Variants in CYP4F22 observed in about 807,000 individuals in gnomAD.
CYP4F22 encodes cytochrome P450 family 4 subfamily F member 22, also known as ultra-long-chain fatty acid omega-hydroxylase.
A neutral mutation model predicts 60.4 loss-of-function variants in CYP4F22; 37 were observed. The ratio of observed to expected loss-of-function variants is 0.61; its 90% CI spans 0.47 to 0.81. The LOEUF is 0.81. Ranked by LOEUF, CYP4F22 falls within the 30% of genes least tolerant of loss-of-function variation. The pLI is 0.00. For missense variants in CYP4F22, 655 were observed against 715.0 expected (o/e 0.92, Z 0.96); for synonymous variants, 258 against 280.5 (o/e 0.92, Z 0.80).
intron 4 of CYP4F22, among the ~76,000 whole-genome samples, chr19:15,530,782 G>A (rs923345268): frequency 1.3e-5 from 2 of 152,116 alleles, no homozygotes; most frequent in Non-Finnish European, 1.5e-5. Flanking sequence ...GGGGGTAACC[G>A]CCCCCATGAT....
intron 10 of CYP4F22, among the ~76,000 whole-genome samples, chr19:15,547,299 C>T (rs1047350301): frequency 2.0e-5 from 3 of 152,030 alleles, no homozygotes; most frequent in Admixed American, 1.3e-4. Context: ...GCTGGGATTA[C>T]AGGCGAGAGC....
At chr19:15,513,528 C>A (rs936828549) in intron 1 of CYP4F22, among the ~76,000 whole-genome samples, 1 of 151,910 alleles carries the variant, frequency 6.6e-6, no homozygotes, top group African/African-American at 2.4e-5. Flanking sequence ...CCTCGCCCGG[C>A]TAATTTTTTT....
chr19:15,540,374 G>A, intron 7 of CYP4F22, 76 bp from the exon 8 acceptor site: 2 of 1,580,066 alleles, frequency 1.3e-6, no homozygotes, highest in South Asian at 2.2e-5. Flanking sequence ...GGGACAGGAG[G>A]CTTATCTTAG....
chr19:15,540,766 C>G (rs776613630), intron 8 of CYP4F22, 49 bp downstream of exon 8: 1 of 358,834 alleles, frequency 2.8e-6, no homozygotes, highest in Non-Finnish European at 4.0e-6. Context: ...GCTGGCCTCC[C>G]GAGGAATTGC....
chr19:15,532,329 TC>T (rs1971352115), intron 4 of CYP4F22, among the ~76,000 whole-genome samples: 1 of 150,260 alleles, frequency 6.7e-6, no homozygotes, highest in South Asian at 2.1e-4. Context: ...CTCCTCCTTC[TC>T]CTTCTTCTCC....
chr19:15,550,948 C>G (rs1402959913), intron 13 of CYP4F22, among the ~76,000 whole-genome samples, 192 bp downstream of exon 13: 1 of 152,120 alleles, frequency 6.6e-6, no homozygotes, highest in African/African-American at 2.4e-5. Flanking sequence ...GTATTGAGCA[C>G]CAACGGTGTG....
intron 4 of CYP4F22, 41 bp downstream of exon 4, chr19:15,529,894 C>A: frequency 1.9e-6 from 3 of 1,612,794 alleles, no homozygotes; most frequent in Non-Finnish European, 2.5e-6. Flanking sequence ...GAGTCCTCAA[C>A]TCCCAGAGCC....
intron 1 of CYP4F22, among the ~76,000 whole-genome samples, chr19:15,521,581 T>A (rs1217720985): frequency 6.6e-6 from 1 of 152,244 alleles, no homozygotes; most frequent in Non-Finnish European, 1.5e-5. Flanking sequence ...AACATGAGTG[T>A]GCAAATATCT....
intron 1 of CYP4F22, among the ~76,000 whole-genome samples, chr19:15,509,898 T>TTCCC (rs1971065003): frequency 8.1e-6 from 1 of 123,000 alleles, no homozygotes; most frequent in African/African-American, 2.9e-5. Context: ...CCTTCCTTCC[T>TTCCC]TCCTTCCTTT....
intron 10 of CYP4F22, among the ~76,000 whole-genome samples, chr19:15,546,218 C>A (rs1971524396): frequency 6.6e-6 from 1 of 152,116 alleles, no homozygotes; most frequent in African/African-American, 2.4e-5. Flanking sequence ...GCAAGCAGTC[C>A]TCTTACTTTG....
chr19:15,508,987 A>G (rs1971052569), intron 1 of CYP4F22, among the ~76,000 whole-genome samples: 1 of 151,914 alleles, frequency 6.6e-6, no homozygotes, highest in Admixed American at 6.6e-5. Flanking sequence ...CTGAATGGGG[A>G]TTCGCCCTGA....
chr19:15,530,598 A>G (rs1971332368), intron 4 of CYP4F22, among the ~76,000 whole-genome samples: 1 of 152,114 alleles, frequency 6.6e-6, no homozygotes, highest in South Asian at 2.1e-4. Flanking sequence ...AAGAGGTTTA[A>G]TTGACTCACA....
chr19:15,510,469 A>C (rs1971076705), intron 1 of CYP4F22, among the ~76,000 whole-genome samples: 2 of 152,186 alleles, frequency 1.3e-5, no homozygotes, highest in Admixed American at 1.3e-4. Flanking sequence ...GGATGAAGAA[A>C]TTGAGGCTCA....
chr19:15,537,924 A>G lies in CYP4F22; in HGVS notation c.602A>G (p.Glu201Gly), dbSNP rs776771681. The G allele has an allele frequency of 6.2e-7, 1 of 1,614,030 alleles. No homozygotes were observed. Among genetic ancestry groups the G allele is most frequent in the Non-Finnish European group, 8.5e-7 (1 of 1,180,012 alleles). Reference protein sequence around the residue: ...EGSAVSLDMFEHISLMTLDSL... With the variant: ...EGSAVSLDMFGHISLMTLDSL... ...TCAGCGGTCTCCCTTGATATGTTTG[A>G]GCATATCAGCCTCATGACCCTGGAC... Residue 201 changes from glutamate (E) to glycine (G), a missense_variant, in exon 7 of 14, where the codon GAG becomes GGG. Glu to Gly is a moderately conservative substitution (Grantham distance 98). Coordinates refer to ENST00000269703, the MANE Select transcript of CYP4F22 (RefSeq NM_173483.4).
intron 1 of CYP4F22, among the ~76,000 whole-genome samples, chr19:15,512,944 A>G (rs1971108432): frequency 6.6e-6 from 1 of 152,036 alleles, no homozygotes; most frequent in Admixed American, 6.6e-5. Context: ...GAGTTCTTTC[A>G]GGCCCTTTCC....
intron 1 of CYP4F22, among the ~76,000 whole-genome samples, chr19:15,509,578 C>G (rs1310981948): frequency 6.6e-6 from 1 of 152,134 alleles, no homozygotes; most frequent in East Asian, 1.9e-4. Flanking sequence ...CCCTACCACC[C>G]TCATTTTACA....
At chr19:15,546,782 A>G (rs1971531163) in intron 10 of CYP4F22, among the ~76,000 whole-genome samples, 1 of 151,218 alleles carries the variant, frequency 6.6e-6, no homozygotes, top group South Asian at 2.1e-4. Context: ...AGGCTCTCAC[A>G]CTGTGGCCCA....
At chr19:15,541,362 C>G (rs1345256097) in intron 8 of CYP4F22, among the ~76,000 whole-genome samples, 1 of 152,200 alleles carries the variant, frequency 6.6e-6, no homozygotes, top group African/African-American at 2.4e-5. Context: ...TGTCTTCTCC[C>G]TATGTCTGCG....
intron 1 of CYP4F22, among the ~76,000 whole-genome samples, chr19:15,510,369 G>A (rs2060261): frequency 0.86 from 130,171 of 152,152 alleles, 55,753 homozygotes; most frequent in Middle Eastern, 0.93. Context: ...CAGCACCAAC[G>A]GTAATGAGAG....
Sources: gnomAD v4.1 joint callset for allele counts (sites outside exome capture counted in the v4.1 genomes callset) on GRCh38, gnomAD v4.1.1 for gene constraint, MANE v1.5 for transcripts, NCBI Gene and HGNC (gene_info 2026-07-23, HGNC 2026-07-21) for gene names.